DCLRE1C: variants seen among roughly 807,000 people sequenced by gnomAD.
The protein encoded by DCLRE1C is protein artemis.
DCLRE1C carries 47 observed loss-of-function variants against 61.4 expected under a neutral mutation model. That is an observed-to-expected ratio of 0.77 (90% CI 0.61 to 0.98). DCLRE1C has a LOEUF of 0.98. Ranked by LOEUF, DCLRE1C falls within the 50% of genes least tolerant of loss-of-function variation. DCLRE1C has a pLI of 0.00. For missense variants in DCLRE1C, 858 were observed against 816.0 expected (o/e 1.05, Z -0.63); for synonymous variants, 337 against 287.6 (o/e 1.17, Z -1.74).
upstream of DCLRE1C, chr10:14,954,164 G>A (rs111503371): frequency 1.8e-5 from 24 of 1,336,262 alleles, no homozygotes; most frequent in Non-Finnish European, 2.3e-5. Context: ...GAGACCGGGG[G>A]CAAAGTCAAG....
At chr10:14,899,751 A>G, downstream of DCLRE1C, 1 of 1,550,298 alleles carries the variant, frequency 6.5e-7, no homozygotes, top group South Asian at 1.2e-5. Context: ...TTCCATAGCT[A>G]AAGAATAATT....
At chr10:14,912,147 C>A (rs563745798) in intron 13 of DCLRE1C, among the ~76,000 whole-genome samples, 24 of 152,288 alleles carry the variant, frequency 1.6e-4, no homozygotes, top group African/African-American at 5.8e-4. Flanking sequence ...AATAATTAAA[C>A]CATCATAAGG....
At chr10:14,900,181 C>T (rs539222293), downstream of DCLRE1C, among the ~76,000 whole-genome samples, 1 of 152,246 alleles carries the variant, frequency 6.6e-6, no homozygotes, top group East Asian at 1.9e-4. Context: ...AATTAGTATT[C>T]TTCCTTACCT....
chr10:14,936,975 A>G (rs111386791), intron 4 of DCLRE1C, among the ~76,000 whole-genome samples: 13,035 of 152,312 alleles, frequency 0.086, 738 homozygotes, highest in Middle Eastern at 0.14. Flanking sequence ...TTATTTGGCC[A>G]TAAAAAGAAC....
At chr10:14,914,130 T>A (rs1835765452) in intron 13 of DCLRE1C, among the ~76,000 whole-genome samples, 1 of 151,960 alleles carries the variant, frequency 6.6e-6, no homozygotes, top group Admixed American at 6.6e-5. Context: ...CATAAAAACA[T>A]CCAACAACAT....
chr10:14,897,594 T>A (rs2131703879), exon 14 of DCLRE1C: 11 of 1,165,102 alleles, frequency 9.4e-6, no homozygotes, highest in Non-Finnish European at 1.0e-5. Flanking sequence ...TTTATCTCTT[T>A]AAGAGATACT....
At chr10:14,953,879 G>A in intron 1 of DCLRE1C, 23 bp downstream of exon 1, 1 of 1,613,426 alleles carries the variant, frequency 6.2e-7, no homozygotes, top group Non-Finnish European at 8.5e-7. Context: ...CCCGGGAGCG[G>A]GCGACGCGCA....
chr10:14,931,969 G>A (rs41297976), intron 9 of DCLRE1C, among the ~76,000 whole-genome samples: 3,859 of 152,228 alleles, frequency 0.025, 142 homozygotes, highest in African/African-American at 0.086. Flanking sequence ...AGGAGGCAGA[G>A]GTTGCAGTGA....
At chr10:14,940,290 ATT>A (rs1046309328) in intron 3 of DCLRE1C, among the ~76,000 whole-genome samples, 3 of 20,268 alleles carry the variant, frequency 1.5e-4, no homozygotes, top group African/African-American at 1.6e-4. Context: ...CGGTTCTTTT[ATT>A]TTTTTTTTTT....
chr10:14,944,407 G>A (rs1406521577), intron 3 of DCLRE1C, among the ~76,000 whole-genome samples: 1 of 152,054 alleles, frequency 6.6e-6, no homozygotes, highest in Non-Finnish European at 1.5e-5. Flanking sequence ...GCTGAGGCAG[G>A]AGAATCACTT....
intron 2 of DCLRE1C, among the ~76,000 whole-genome samples, chr10:14,947,142 G>A (rs1237372485): frequency 6.6e-6 from 1 of 152,130 alleles, no homozygotes; most frequent in Non-Finnish European, 1.5e-5. Flanking sequence ...AACCTGGGAG[G>A]CAGAGATTGC....
chr10:14,945,172 T>C lies in DCLRE1C; in HGVS notation c.179A>G (p.Tyr60Cys). ...CAACTCCTTAGTCACAGGTGAACAG[T>C]ATAGATAAACCTTCAAGCTGAAAGG... ...RLECSLKVYL[Y>C]CSPVTKELLL... The change falls in exon 3 of 14, where the codon TAC (tyrosine) becomes TGC (cysteine). Residue 60 changes from tyrosine (Y) to cysteine (C), a missense_variant. By Grantham distance (194) the Tyr-to-Cys change is radical. Coordinates refer to ENST00000378278, the MANE Select transcript of DCLRE1C (RefSeq NM_001033855.3). The C allele has an allele frequency of 1.2e-6, 2 of 1,613,016 alleles. No homozygotes were observed. Among genetic ancestry groups the C allele is most frequent in the Non-Finnish European group, 8.5e-7 (1 of 1,179,530 alleles).
intron 2 of DCLRE1C, 77 bp from the exon 3 acceptor site, chr10:14,945,266 A>G (rs1841501947): frequency 6.8e-6 from 10 of 1,461,812 alleles, no homozygotes; most frequent in South Asian, 4.9e-5. Context: ...CTATTTCATC[A>G]TACATCTAAT....
intron 10 of DCLRE1C, among the ~76,000 whole-genome samples, chr10:14,927,808 C>G (rs1442155532): frequency 6.6e-6 from 1 of 152,190 alleles, no homozygotes; most frequent in Non-Finnish European, 1.5e-5. Context: ...TCAACCTACC[C>G]AGAGGGAACC....
chr10:14,902,209 G>A (rs910872489), downstream of DCLRE1C, among the ~76,000 whole-genome samples: 2 of 152,072 alleles, frequency 1.3e-5, no homozygotes, highest in Admixed American at 1.3e-4. Context: ...ATGATTTGAC[G>A]CTGAATATTA....
At chr10:14,951,151 A>G (rs1228193834) in intron 1 of DCLRE1C, among the ~76,000 whole-genome samples, 1 of 151,900 alleles carries the variant, frequency 6.6e-6, no homozygotes. Flanking sequence ...GGCTGAGGTG[A>G]GTGGATCACC....
intron 2 of DCLRE1C, among the ~76,000 whole-genome samples, chr10:14,947,871 C>T (rs902367686): frequency 3.9e-5 from 6 of 151,964 alleles, no homozygotes; most frequent in African/African-American, 1.5e-4. Context: ...ACCAGCCTGG[C>T]GAACATGGTA....
At chr10:14,946,852 A>T (rs904000358) in intron 2 of DCLRE1C, among the ~76,000 whole-genome samples, 2 of 152,094 alleles carry the variant, frequency 1.3e-5, no homozygotes, top group Non-Finnish European at 2.9e-5. Context: ...TCCTATGCTC[A>T]GGTCATCCTC....
intron 12 of DCLRE1C, among the ~76,000 whole-genome samples, chr10:14,921,457 T>C (rs1193874317): frequency 6.6e-6 from 1 of 152,214 alleles, no homozygotes; most frequent in Non-Finnish European, 1.5e-5. Context: ...TTGCCTCCTG[T>C]TGCCATCTTG....
Sources: gnomAD v4.1 joint callset for allele counts (sites outside exome capture counted in the v4.1 genomes callset) on GRCh38, gnomAD v4.1.1 for gene constraint, MANE v1.5 for transcripts, NCBI Gene and HGNC (gene_info 2026-07-23, HGNC 2026-07-21) for gene names.